The following CTNNA1 variants were observed in gnomAD, a reference collection of about 807,000 sequenced individuals.
The protein encoded by CTNNA1 is catenin alpha 1.
In CTNNA1, 37 loss-of-function variants were observed where a neutral mutation model predicts 98.4. The ratio of observed to expected loss-of-function variants is 0.38; its 90% CI spans 0.29 to 0.49. The LOEUF is 0.49. Among genes scored for constraint, CTNNA1 ranks in the 20% least tolerant of loss-of-function variants. The probability of loss-of-function intolerance (pLI) is 0.95; values close to 1 mark genes in which losing one functional copy is unlikely to be tolerated. For missense variants in CTNNA1, 761 were observed against 1,147.2 expected (o/e 0.66, Z 4.86); for synonymous variants, 404 against 413.2 (o/e 0.98, Z 0.27).
chr5:138,919,857 G>A (rs530999641), intron 11 of CTNNA1, among the ~76,000 whole-genome samples: 128 of 152,176 alleles, frequency 8.4e-4, no homozygotes, highest in Middle Eastern at 3.4e-3. Flanking sequence ...TGTAATATGC[G>A]GAGACAAGCA....
chr5:138,918,062 G>A (rs1762181861), intron 11 of CTNNA1, among the ~76,000 whole-genome samples, 164 bp downstream of exon 11: 1 of 152,206 alleles, frequency 6.6e-6, no homozygotes, highest in Non-Finnish European at 1.5e-5. Context: ...CAGCTACAGG[G>A]TTTTCAAGTG....
intron 7 of CTNNA1, among the ~76,000 whole-genome samples, chr5:138,835,278 T>G (rs1191850128): frequency 6.6e-6 from 1 of 152,112 alleles, no homozygotes; most frequent in African/African-American, 2.4e-5. Context: ...GCAAAAGAGC[T>G]TTTAGAGTAT....
chr5:138,908,138 C>T (rs746260905), intron 10 of CTNNA1, among the ~76,000 whole-genome samples: 5 of 152,052 alleles, frequency 3.3e-5, no homozygotes, highest in African/African-American at 9.7e-5. Flanking sequence ...CCACCACGCC[C>T]GGCTAATTTT....
intron 17 of CTNNA1, among the ~76,000 whole-genome samples, chr5:138,933,526 T>G (rs1335347046): frequency 6.6e-6 from 1 of 152,224 alleles, no homozygotes; most frequent in East Asian, 1.9e-4. Flanking sequence ...CCAGTTGGTT[T>G]GAGTGAATAA....
intron 7 of CTNNA1, among the ~76,000 whole-genome samples, chr5:138,838,180 C>T (rs1016484325): frequency 3.3e-5 from 5 of 152,162 alleles, no homozygotes; most frequent in African/African-American, 7.2e-5. Flanking sequence ...GGATTACAGG[C>T]GTGAGCCATG....
At chr5:138,854,931 G>A (rs930994704) in intron 7 of CTNNA1, among the ~76,000 whole-genome samples, 1 of 152,196 alleles carries the variant, frequency 6.6e-6, no homozygotes, top group Non-Finnish European at 1.5e-5. Context: ...ACCATTGACA[G>A]ATACTTTCCA....
chr5:138,789,585 G>A (rs1223421796), intron 3 of CTNNA1, among the ~76,000 whole-genome samples: 1 of 152,168 alleles, frequency 6.6e-6, no homozygotes, highest in Non-Finnish European at 1.5e-5. Context: ...AGCCTCCTGA[G>A]TAGCTGGGAC....
At chr5:138,858,309 T>C (rs1763914216) in intron 7 of CTNNA1, among the ~76,000 whole-genome samples, 1 of 152,042 alleles carries the variant, frequency 6.6e-6, no homozygotes, top group South Asian at 2.1e-4. Flanking sequence ...TTATTTTTTA[T>C]AGAGACAGGG....
chr5:138,810,941 C>T (rs564774443), intron 4 of CTNNA1, among the ~76,000 whole-genome samples: 7,709 of 141,656 alleles, frequency 0.054, 330 homozygotes, highest in Non-Finnish European at 0.084. Flanking sequence ...ACCTCCCTCC[C>T]GGACGGGGCA....
At chr5:138,770,499 G>T (rs141404660) in intron 1 of CTNNA1, among the ~76,000 whole-genome samples, 2 of 152,272 alleles carry the variant, frequency 1.3e-5, no homozygotes, top group Non-Finnish European at 2.9e-5. Context: ...ACCTCCTACT[G>T]CTTCTTGCCC....
intron 9 of CTNNA1, among the ~76,000 whole-genome samples, chr5:138,892,142 C>T (rs543775129): frequency 6.6e-6 from 1 of 152,180 alleles, no homozygotes; most frequent in South Asian, 2.1e-4. Context: ...AGCTGTGCCC[C>T]AAGCACCTTG....
At chr5:138,877,721 A>G (rs1026105106) in intron 7 of CTNNA1, among the ~76,000 whole-genome samples, 3 of 152,176 alleles carry the variant, frequency 2.0e-5, no homozygotes, top group African/African-American at 7.2e-5. Context: ...TGCTGGGATT[A>G]CAGGCGTGAG....
At chr5:138,832,706 GTT>G (rs1290512178) in intron 7 of CTNNA1, among the ~76,000 whole-genome samples, 23 of 152,058 alleles carry the variant, frequency 1.5e-4, no homozygotes, top group Admixed American at 1.4e-3. Flanking sequence ...TAAAATAACA[GTT>G]TTAATTCTCT....
At chr5:138,773,713 A>AT (rs757583665) in intron 1 of CTNNA1, among the ~76,000 whole-genome samples, 355 of 142,138 alleles carry the variant, frequency 2.5e-3, no homozygotes, top group African/African-American at 2.4e-3. Flanking sequence ...TGGTGAATTA[A>AT]TTTTTTTTTT....
chr5:138,881,899 A>C (rs1581442742), intron 7 of CTNNA1, among the ~76,000 whole-genome samples: 2 of 152,056 alleles, frequency 1.3e-5, no homozygotes, highest in Admixed American at 6.6e-5. Flanking sequence ...ACTGTATTTC[A>C]CCCTCCTCTA....
At chr5:138,931,922 G>A (rs1051191610) in intron 16 of CTNNA1, 1 of 985,346 alleles carries the variant, frequency 1.0e-6, no homozygotes, top group African/African-American at 1.7e-5. Context: ...TTCTCCCTTT[G>A]GGTAAAGCTT....
At chr5:138,766,206 T>C (rs1167712202) in intron 1 of CTNNA1, among the ~76,000 whole-genome samples, 1 of 152,126 alleles carries the variant, frequency 6.6e-6, no homozygotes, top group Non-Finnish European at 1.5e-5. Context: ...TGTGTCTCTT[T>C]GTGAGGCAGA....
Position 138,930,494 on chromosome 5 carries a change from C to A in CTNNA1, c.2032C>A (p.Gln678Lys). ...SARAIMAQLPQEQKAKIAEQV... is the reference protein window; with the variant it reads ...SARAIMAQLPKEQKAKIAEQV... ...ACAGGCGATCATGGCTCAGCTTCCC[C>A]AGGAGCAAAAAGCGAAGATTGCGGA... The change falls in exon 15 of 18, where the codon CAG becomes AAG. Residue 678 changes from glutamine to lysine, a missense_variant. Around this residue, in one of 6 missense-constraint regions of CTNNA1, gnomAD observed 77 missense variants for 198.8 expected, o/e 0.39. Coordinates refer to ENST00000302763, the MANE Select transcript of CTNNA1 (RefSeq NM_001903.5). 1 of 1,613,190 alleles carries A rather than the reference C, an allele frequency of 6.2e-7. No homozygotes were observed. Among genetic ancestry groups the A allele is most frequent in the Non-Finnish European group, 8.5e-7 (1 of 1,179,458 alleles).
At chr5:138,929,644 G>A (rs1012090143) in intron 14 of CTNNA1, among the ~76,000 whole-genome samples, 35 of 152,268 alleles carry the variant, frequency 2.3e-4, no homozygotes, top group African/African-American at 8.4e-4. Context: ...AGTGTTTGTT[G>A]AAAGGATCGT....
Sources: gnomAD v4.1 joint callset for allele counts (sites outside exome capture counted in the v4.1 genomes callset) on GRCh38, gnomAD v4.1.1 for gene constraint, gnomAD v4.1.1 regional missense constraint, MANE v1.5 for transcripts, NCBI Gene and HGNC (gene_info 2026-07-23, HGNC 2026-07-21) for gene names.